Variants in UBA3 observed in about 807,000 individuals in gnomAD.
UBA3 encodes the protein NEDD8-activating enzyme E1 catalytic subunit.
Under a neutral mutation model 73.5 loss-of-function variants are expected in UBA3, and 26 were observed. The observed-to-expected ratio is 0.35, with a 90% confidence interval of 0.26 to 0.49. UBA3 has a LOEUF of 0.49. Among genes scored for constraint, UBA3 ranks in the 20% least tolerant of loss-of-function variants. UBA3 has a pLI of 0.98. For synonymous variants in UBA3, 217 were observed against 191.2 expected (o/e 1.13, Z -1.11); for missense variants, 495 against 555.6 (o/e 0.89, Z 1.10).
At chr3:69,079,770 T>C in intron 2 of UBA3, 1 of 335,960 alleles carries the variant, frequency 3.0e-6, no homozygotes, top group Non-Finnish European at 5.4e-6. Context: ...GTGTTTAAGG[T>C]AGATTGCCTT....
Position 69,056,790 on chromosome 3 carries a change from T to C in UBA3, c.990A>G (p.Lys330=), listed in dbSNP as rs2091977770. 1.2e-6 allele frequency: 2 copies of C among 1,612,958 alleles called. No individual in the cohort carries two copies. The highest frequency in any genetic ancestry group is 2.7e-5 in the African/African-American group (2 of 74,834). ...IAAVCATEVF[K]IATSAYIPLN... ...ATGAAACCTATTACCTTGTGGCTAT[T>C]TTAAAAACCTCAGTGGCACACACAG... The change falls in exon 13 of 18, where the codon AAA becomes AAG. Residue 330 remains lysine, a synonymous_variant. Coordinates refer to ENST00000361055, the MANE Select transcript of UBA3 (RefSeq NM_003968.4).
intron 4 of UBA3, among the ~76,000 whole-genome samples, chr3:69,073,704 C>T (rs1446195267): frequency 2.0e-5 from 3 of 147,852 alleles, no homozygotes; most frequent in Non-Finnish European, 4.5e-5. Context: ...GGTGTGATCT[C>T]GGCTCACTGC....
Position 69,062,969 on chromosome 3 carries a change from CT to C in UBA3, c.693+12del. The C allele has an allele frequency of 1.2e-6, 2 of 1,612,746 alleles. No homozygotes were observed. The highest frequency in any genetic ancestry group is 2.2e-5 in the South Asian group (2 of 90,828). On this transcript the variant is annotated intron_variant, in intron 9 of 17. Transcript: ENST00000361055. ...AGATACTATAAAAGAAATGCAGGTG[CT>C]TTTTTGATTACCTGTGGTGGATAAA...
chr3:69,080,304 C>T (rs780035435), intron 1 of UBA3, 30 bp downstream of exon 1: 18 of 1,603,824 alleles, frequency 1.1e-5, no homozygotes, highest in South Asian at 1.1e-5. Flanking sequence ...CCAGCCCAGC[C>T]CGGCGCGTCT....
chr3:69,069,182 G>A (rs554481317), intron 5 of UBA3, among the ~76,000 whole-genome samples: 1 of 152,172 alleles, frequency 6.6e-6, no homozygotes, highest in East Asian at 1.9e-4. Flanking sequence ...GGATGAAAGT[G>A]ACCATGTTCT....
At chr3:69,077,745 G>C (rs534296649) in intron 3 of UBA3, 53 bp downstream of exon 3, 5 of 1,507,342 alleles carry the variant, frequency 3.3e-6, no homozygotes, top group Non-Finnish European at 4.5e-6. Flanking sequence ...CATTCTATTA[G>C]TTTTGAAACA....
At chr3:69,078,309 A>T (rs1045147405) in intron 2 of UBA3, among the ~76,000 whole-genome samples, 43 of 152,220 alleles carry the variant, frequency 2.8e-4, no homozygotes, top group Middle Eastern at 3.2e-3. Context: ...GCATTAGGAA[A>T]TATGAGATAC....
At chr3:69,059,680 TA>T (rs539072397) in intron 11 of UBA3, among the ~76,000 whole-genome samples, 61 of 152,114 alleles carry the variant, frequency 4.0e-4, no homozygotes, top group Middle Eastern at 3.4e-3. Flanking sequence ...GGAGTAAGTA[TA>T]AATGGAATTT....
chr3:69,068,642 G>A (rs2092094624), intron 5 of UBA3, among the ~76,000 whole-genome samples: 1 of 151,866 alleles, frequency 6.6e-6, no homozygotes. Flanking sequence ...GAGTGCAGTG[G>A]TGCGATCTCG....
chr3:69,064,138 A>G lies in UBA3; in HGVS notation c.429-27T>C, dbSNP rs762279481. On this transcript the variant is annotated intron_variant, in intron 6 of 17. Coordinates refer to ENST00000361055, the MANE Select transcript of UBA3 (RefSeq NM_003968.4). ...TGAATACAAGTAAAGGAACTTAAGC[A>G]GCTAAGTTTTAATTTCTAAAATGAA... 1.9e-6 allele frequency: 3 copies of G among 1,573,274 alleles called. No individual in the cohort carries two copies. The South Asian group carries it at 3.6e-5, about 19-fold the overall frequency.
intron 6 of UBA3, 97 bp from the exon 7 acceptor site, chr3:69,064,208 A>G: frequency 1.1e-6 from 1 of 906,372 alleles, no homozygotes; most frequent in Non-Finnish European, 1.6e-6. Context: ...ATTTACAACA[A>G]GAAATAAGTA....
At position 69,056,806 on chromosome 3, in the gene UBA3, GCA is replaced by G; in HGVS notation, c.972_973del (p.Ala325HisfsTer2). ...TGTGGCTATTTTAAAAACCTCAGTG[GCA>G]CACACAGCTGAAGGGAGGAGAAAAT... On this transcript the variant is annotated frameshift_variant, in exon 13 of 18. Transcript: ENST00000361055. LOFTEE classifies it high-confidence loss of function. The G allele has an allele frequency of 6.2e-7, 1 of 1,612,694 alleles. No individual in the cohort carries two copies. Among genetic ancestry groups the G allele is most frequent in the Non-Finnish European group, 8.5e-7 (1 of 1,179,498 alleles).
chr3:69,063,739 A>G (rs557870411), intron 7 of UBA3, among the ~76,000 whole-genome samples: 7 of 152,280 alleles, frequency 4.6e-5, no homozygotes, highest in Admixed American at 3.3e-4. Context: ...CTAATTAAAA[A>G]AAAAAAGCAC....
At chr3:69,079,299 G>A (rs982464519) in intron 2 of UBA3, among the ~76,000 whole-genome samples, 1 of 152,226 alleles carries the variant, frequency 6.6e-6, no homozygotes, top group African/African-American at 2.4e-5. Context: ...GGAAATAAAA[G>A]GCAGGAAAGA....
rs750636724 is a variant in UBA3, at chr3:69,063,486, A to T, written c.490T>A (p.Cys164Ser). ...CTGGCGATGATAGAGTCCAGTCCAC[A>T]TACAATAATATGAAATTCTACAAAA... ...TFYRQFHIIVCGLDSIIARRW... is the reference protein window; with the variant it reads ...TFYRQFHIIVSGLDSIIARRW... The change falls in exon 8 of 18, where the codon TGT becomes AGT. Residue 164 changes from cysteine (C) to serine (S), a missense_variant. Coordinates refer to ENST00000361055, the MANE Select transcript of UBA3 (RefSeq NM_003968.4). 6.4e-6 allele frequency: 10 copies of T among 1,566,696 alleles called. No individual in the cohort carries two copies. Among genetic ancestry groups the T allele is most frequent in the Non-Finnish European group, 8.6e-6 (10 of 1,165,180 alleles).
At chr3:69,061,956 A>G (rs369035611) in intron 10 of UBA3, 29 bp from the exon 11 acceptor site, 13 of 1,501,146 alleles carry the variant, frequency 8.7e-6, no homozygotes, top group Non-Finnish European at 1.2e-5. Flanking sequence ...GGAGAGAGAG[A>G]GAGAGAGAAG....
chr3:69,064,550 T>C (rs1310461885), intron 6 of UBA3, among the ~76,000 whole-genome samples: 1 of 152,250 alleles, frequency 6.6e-6, no homozygotes, highest in Non-Finnish European at 1.5e-5. Context: ...GCTCATTTTT[T>C]TAACATACAG....
chr3:69,073,486 A>G (rs1477853144), intron 4 of UBA3, among the ~76,000 whole-genome samples: 1 of 152,208 alleles, frequency 6.6e-6, no homozygotes, highest in Non-Finnish European at 1.5e-5. Flanking sequence ...CATACTATAT[A>G]CTTACTTTTT....
chr3:69,061,235 C>T (rs2092018787), intron 11 of UBA3, among the ~76,000 whole-genome samples: 2 of 152,234 alleles, frequency 1.3e-5, no homozygotes, highest in African/African-American at 4.8e-5. Flanking sequence ...GCTCTTGTTG[C>T]CCAGGCTGGA....
Sources: gnomAD v4.1 joint callset for allele counts (sites outside exome capture counted in the v4.1 genomes callset) on GRCh38, gnomAD v4.1.1 for gene constraint, MANE v1.5 for transcripts, NCBI Gene and HGNC (gene_info 2026-07-23, HGNC 2026-07-21) for gene names.